The following IRAK1BP1 variants were observed in gnomAD, a reference collection of about 807,000 sequenced individuals.
IRAK1BP1 encodes interleukin-1 receptor-associated kinase 1-binding protein 1.
In IRAK1BP1, 24 loss-of-function variants were observed where a neutral mutation model predicts 28.0. The observed-to-expected ratio is 0.86, with a 90% CI of 0.62 to 1.20. The LOEUF is 1.20. IRAK1BP1 is among the 50% of genes most tolerant of loss of function. IRAK1BP1 has a pLI of 0.00. For synonymous variants in IRAK1BP1, 131 were observed against 116.3 expected (o/e 1.13, Z -0.81); for missense variants, 336 against 316.7 (o/e 1.06, Z -0.46).
At chr6:78,889,697 A>G (rs1386366188) in intron 2 of IRAK1BP1, among the ~76,000 whole-genome samples, 2 of 152,212 alleles carry the variant, frequency 1.3e-5, no homozygotes, top group Non-Finnish European at 2.9e-5. Flanking sequence ...CATTAGAGAA[A>G]TGCAAATCAA....
the IRAK1BP1 span, chr6:78,965,982 C>T: frequency 6.2e-7 from 1 of 1,612,848 alleles, no homozygotes; most frequent in East Asian, 2.2e-5. Flanking sequence ...TCAGGGTACT[C>T]AAGTTGAAGA....
intron 1 of IRAK1BP1, among the ~76,000 whole-genome samples, chr6:78,876,518 A>G (rs182810309): frequency 7.9e-5 from 12 of 152,326 alleles, no homozygotes; most frequent in African/African-American, 2.9e-4. Context: ...ATATATTTCA[A>G]TATTTTTCAG....
intron 2 of IRAK1BP1, among the ~76,000 whole-genome samples, chr6:78,892,379 T>C (rs1444985848): frequency 6.6e-6 from 1 of 152,178 alleles, no homozygotes; most frequent in Non-Finnish European, 1.5e-5. Flanking sequence ...TTGCATCATA[T>C]TGTTCCCTCA....
intron 1 of IRAK1BP1, among the ~76,000 whole-genome samples, chr6:78,879,847 G>C (rs1771157968): frequency 6.6e-6 from 1 of 152,238 alleles, no homozygotes; most frequent in Non-Finnish European, 1.5e-5. Flanking sequence ...GAAGGACTCA[G>C]TCCCCTTCCT....
At position 78,897,933 on chromosome 6, in the gene IRAK1BP1, T is replaced by C. The variant is rs769342598; in HGVS notation, c.486T>C (p.His162=). ...TCATCAGCCCACCCCAGTTCTATCA[T>C]ACTCCAGGTTCTGTTGAGAATCTTC... ...SVVISPPQFY[H]TPGSVENLRR... Residue 162 remains histidine (H), a synonymous_variant, in exon 3 of 4, where the codon CAT becomes CAC. Transcript: ENST00000369940. 6.2e-7 allele frequency: 1 copy of C among 1,614,098 alleles called. No individual in the cohort carries two copies. The highest frequency in any genetic ancestry group is 2.2e-5 in the East Asian group (1 of 44,872).
the IRAK1BP1 span, among the ~76,000 whole-genome samples, chr6:78,974,647 AAAAG>A: frequency 6.6e-6 from 1 of 152,138 alleles, no homozygotes; most frequent in Non-Finnish European, 1.5e-5. Context: ...ATAAAAGAAA[AAAAG>A]AAGAATCAAA....
chr6:78,903,525 T>C (rs185693153), downstream of IRAK1BP1, among the ~76,000 whole-genome samples: 1,093 of 152,080 alleles, frequency 7.2e-3, 5 homozygotes, highest in Non-Finnish European at 0.012. Flanking sequence ...TTTTATATGC[T>C]CAGTATAATT....
intron 1 of IRAK1BP1, among the ~76,000 whole-genome samples, chr6:78,884,944 C>A (rs762715675): frequency 6.8e-4 from 103 of 151,920 alleles, no homozygotes; most frequent in Non-Finnish European, 1.4e-3. Flanking sequence ...CCACTAAATA[C>A]AATTTTAGTA....
chr6:78,937,657 C>T (rs1773325537), intron 4 of IRAK1BP1: 1 of 148,478 alleles, frequency 6.7e-6, no homozygotes, highest in South Asian at 2.2e-4. Context: ...TGAAGTTGTG[C>T]AATAAAAACA....
At chr6:78,926,896 A>C (rs1019434840) in intron 4 of IRAK1BP1, among the ~76,000 whole-genome samples, 1 of 152,112 alleles carries the variant, frequency 6.6e-6, no homozygotes, top group African/African-American at 2.4e-5. Flanking sequence ...TCGTATGGCC[A>C]AATAGTACTC....
At chr6:78,929,962 G>GCT (rs1416913943) in intron 4 of IRAK1BP1, among the ~76,000 whole-genome samples, 12 of 151,948 alleles carry the variant, frequency 7.9e-5, no homozygotes, top group African/African-American at 2.9e-4. Flanking sequence ...TTTGAGACAG[G>GCT]CTCTCCCTCT....
rs542966157 is a variant in IRAK1BP1 at position 78,873,158 on chromosome 6, G to A, written c.315+5267G>A. ...GTGTCTCAGCTACTCCGGAGGCTGA[G>A]GCAGGAGAATCACTTGAGCCCAGGA... On this transcript the variant is annotated intron_variant, in intron 1 of 3. Transcript: ENST00000369940. Among the ~76,000 whole-genome samples, 3 of 146,596 alleles carry A rather than the reference G, an allele frequency of 2.0e-5. No homozygotes were observed. In the South Asian group the frequency reaches 6.6e-4, roughly 32 times the overall value.
intron 4 of IRAK1BP1, among the ~76,000 whole-genome samples, chr6:78,933,772 T>A (rs1244053578): frequency 6.6e-6 from 1 of 152,050 alleles, no homozygotes; most frequent in East Asian, 1.9e-4. Flanking sequence ...CAGGGAATAT[T>A]GTGGCTGATT....
intron 4 of IRAK1BP1, chr6:78,941,304 G>A: frequency 3.7e-6 from 6 of 1,613,036 alleles, no homozygotes; most frequent in Non-Finnish European, 4.2e-6. Flanking sequence ...ATGGTTCCTG[G>A]TACAAGAGCG....
intron 4 of IRAK1BP1, chr6:78,935,485 T>A: frequency 1.0e-6 from 1 of 978,066 alleles, no homozygotes. Flanking sequence ...TGAGAAAATA[T>A]TTATGCAAAG....
At chr6:78,961,101 C>T in the IRAK1BP1 span, among the ~76,000 whole-genome samples, 5 of 151,878 alleles carry the variant, frequency 3.3e-5, no homozygotes, top group Middle Eastern at 3.2e-3. Flanking sequence ...AGCCTACTGA[C>T]GATTAAAGAC....
In IRAK1BP1 at chr6:78,881,997, G is replaced by A. The variant is rs149569306; in HGVS notation, c.316-3381G>A. On this transcript the variant is annotated intron_variant, in intron 1 of 3. Transcript: ENST00000369940. ...TACAGAAAATTTTACATGTAAGTTA[G>A]TATCTGTGTGCGTATATATATGTCT... Among the ~76,000 whole-genome samples the A allele has an allele frequency of 5.5e-3, 840 of 152,176 alleles. 6 individuals are homozygous for A. The highest frequency in any genetic ancestry group is 0.02 in the African/African-American group (815 of 41,532).
At chr6:78,877,776 C>T (rs867466487) in intron 1 of IRAK1BP1, among the ~76,000 whole-genome samples, 5 of 152,164 alleles carry the variant, frequency 3.3e-5, no homozygotes, top group African/African-American at 9.7e-5. Flanking sequence ...CCTGGAAAAT[C>T]GGGTCACTCC....
At chr6:78,945,744 C>G in exon 5 of IRAK1BP1, 2 of 601,338 alleles carry the variant, frequency 3.3e-6, no homozygotes, top group East Asian at 2.9e-5. Flanking sequence ...AAATTGCTAG[C>G]TAGTGTGGGT....
Sources: allele counts gnomAD v4.1 joint callset (sites outside exome capture counted in the v4.1 genomes callset), GRCh38; gene constraint gnomAD v4.1.1; transcripts MANE v1.5; gene names NCBI Gene and HGNC (gene_info 2026-07-23, HGNC 2026-07-21).